Variants in GNA14 observed in about 807,000 individuals in gnomAD.
GNA14 encodes G protein subunit alpha 14, also known as guanine nucleotide-binding protein subunit alpha-14.
Under a neutral mutation model 42.0 loss-of-function variants are expected in GNA14, and 50 were observed. The ratio of observed to expected loss-of-function variants is 1.19; its 90% CI spans 0.95 to 1.51. The LOEUF (loss-of-function observed/expected upper bound fraction) is 1.51. Among genes scored for constraint, GNA14 ranks in the 40% most tolerant of loss-of-function variants. The pLI is 0.00. For missense variants in GNA14, 473 were observed against 446.2 expected (o/e 1.06, Z -0.54); for synonymous variants, 173 against 163.1 (o/e 1.06, Z -0.46).
chr9:77,434,605 G>C, intron 2 of GNA14, 83 bp from the exon 3 acceptor site: 1 of 1,271,774 alleles, frequency 7.9e-7, no homozygotes, highest in Admixed American at 2.0e-5. Context: ...TCTTGCCCTG[G>C]TCTGTGGATT....
chr9:77,646,151 CCT>C (rs1284553742), intron 1 of GNA14, among the ~76,000 whole-genome samples: 2 of 152,170 alleles, frequency 1.3e-5, no homozygotes, highest in Admixed American at 1.3e-4. Flanking sequence ...ACCCAAGCTC[CCT>C]CTCTCCTAGG....
intron 1 of GNA14, among the ~76,000 whole-genome samples, chr9:77,530,837 T>G (rs4745642): frequency 0.66 from 100,209 of 152,100 alleles, 35,708 homozygotes; most frequent in Non-Finnish European, 0.78. Context: ...TGTTTCAGCC[T>G]CCAGAGACAG....
At chr9:77,512,348 T>C (rs1175273113) in intron 2 of GNA14, among the ~76,000 whole-genome samples, 1 of 152,232 alleles carries the variant, frequency 6.6e-6, no homozygotes, top group African/African-American at 2.4e-5. Context: ...ACTGCTAATA[T>C]TTATTTTTAA....
chr9:77,538,063 CTTCTT>C (rs1837618108), intron 1 of GNA14, among the ~76,000 whole-genome samples: 3 of 95,042 alleles, frequency 3.2e-5, no homozygotes, highest in Admixed American at 1.3e-4. Context: ...TGTACAGAAG[CTTCTT>C]TTTTTTTTTT....
intron 1 of GNA14, among the ~76,000 whole-genome samples, chr9:77,540,413 T>C (rs1211602062): frequency 6.6e-6 from 1 of 152,190 alleles, no homozygotes; most frequent in African/African-American, 2.4e-5. Flanking sequence ...ATAAAGAATG[T>C]TCCATGTGCT....
chr9:77,518,842 A>C (rs764598892), intron 2 of GNA14, among the ~76,000 whole-genome samples: 1 of 152,210 alleles, frequency 6.6e-6, no homozygotes, highest in East Asian at 1.9e-4. Context: ...TACAGATGCC[A>C]TTTTTTTAAA....
intron 2 of GNA14, among the ~76,000 whole-genome samples, chr9:77,488,140 T>C (rs1196794797): frequency 3.3e-5 from 5 of 152,192 alleles, no homozygotes; most frequent in Admixed American, 2.0e-4. Flanking sequence ...AGCAATATCT[T>C]AGAACTCACA....
chr9:77,557,730 T>C (rs1480810574), intron 1 of GNA14, among the ~76,000 whole-genome samples: 1 of 152,136 alleles, frequency 6.6e-6, no homozygotes, highest in African/African-American at 2.4e-5. Context: ...AATGACACCA[T>C]AGAAGATTAA....
intron 1 of GNA14, among the ~76,000 whole-genome samples, chr9:77,536,120 A>C (rs1380271132): frequency 2.0e-5 from 3 of 152,170 alleles, no homozygotes; most frequent in Non-Finnish European, 2.9e-5. Flanking sequence ...ATTTTTCACC[A>C]TAAAAGGAGA....
At chr9:77,586,992 T>A (rs1011944133) in intron 1 of GNA14, among the ~76,000 whole-genome samples, 8 of 142,614 alleles carry the variant, frequency 5.6e-5, no homozygotes, top group South Asian at 2.2e-4. Flanking sequence ...TTTTTTTTTT[T>A]AATAGAAAAT....
intron 1 of GNA14, among the ~76,000 whole-genome samples, chr9:77,537,411 T>A (rs2131774138): frequency 6.6e-6 from 1 of 152,344 alleles, no homozygotes; most frequent in African/African-American, 2.4e-5. Context: ...TGACATGATT[T>A]CGTTCTTTTT....
chr9:77,504,918 G>A (rs1317793166), intron 2 of GNA14, among the ~76,000 whole-genome samples: 4 of 151,908 alleles, frequency 2.6e-5, no homozygotes, highest in African/African-American at 4.8e-5. Flanking sequence ...CACCCGCCTC[G>A]GCCTCCCAAA....
At chr9:77,605,711 A>G (rs1446058585) in intron 1 of GNA14, among the ~76,000 whole-genome samples, 1 of 152,230 alleles carries the variant, frequency 6.6e-6, no homozygotes, top group Non-Finnish European at 1.5e-5. Flanking sequence ...CCAACTAGAA[A>G]GGAGACCAGT....
intron 2 of GNA14, among the ~76,000 whole-genome samples, chr9:77,511,051 T>C (rs1231284422): frequency 2.9e-5 from 3 of 104,310 alleles, no homozygotes; most frequent in Non-Finnish European, 5.1e-5. Context: ...CATTTTCCCA[T>C]TCCAAAAAAA....
intron 1 of GNA14, among the ~76,000 whole-genome samples, chr9:77,601,915 C>T (rs1473049000): frequency 1.3e-5 from 2 of 152,216 alleles, no homozygotes; most frequent in Non-Finnish European, 2.9e-5. Flanking sequence ...TTCCCAGTGA[C>T]TCATCTATCA....
At chr9:77,596,059 A>C (rs1252848891) in intron 1 of GNA14, among the ~76,000 whole-genome samples, 1 of 152,058 alleles carries the variant, frequency 6.6e-6, no homozygotes, top group Non-Finnish European at 1.5e-5. Flanking sequence ...TTCTAAGTGC[A>C]CTGCGTATAA....
At chr9:77,472,102 T>A (rs552651187) in intron 2 of GNA14, among the ~76,000 whole-genome samples, 7 of 152,138 alleles carry the variant, frequency 4.6e-5, no homozygotes, top group Non-Finnish European at 1.0e-4. Context: ...TAAAACCAAC[T>A]CCATACAGCT....
At chr9:77,523,472 C>T (rs1837390062) in intron 2 of GNA14, among the ~76,000 whole-genome samples, 1 of 152,138 alleles carries the variant, frequency 6.6e-6, no homozygotes, top group South Asian at 2.1e-4. Context: ...TGGTGCTAAA[C>T]CATTCATGAG....
At chr9:77,492,267 A>C (rs1189461121) in intron 2 of GNA14, among the ~76,000 whole-genome samples, 3 of 151,954 alleles carry the variant, frequency 2.0e-5, no homozygotes, top group African/African-American at 7.2e-5. Flanking sequence ...AGCCAAACCC[A>C]AAATTAGTAG....
Sources: gnomAD v4.1 joint callset for allele counts (sites outside exome capture counted in the v4.1 genomes callset) on GRCh38, gnomAD v4.1.1 for gene constraint, MANE v1.5 for transcripts, NCBI Gene and HGNC (gene_info 2026-07-23, HGNC 2026-07-21) for gene names.